Variants in ELAC1 observed in about 807,000 individuals in gnomAD.
ELAC1 encodes zinc phosphodiesterase ELAC protein 1.
Under a neutral mutation model 25.8 loss-of-function variants are expected in ELAC1, and 19 were observed. The ratio of observed to expected loss-of-function variants is 0.74; its 90% CI spans 0.51 to 1.08. The LOEUF (loss-of-function observed/expected upper bound fraction) is 1.08. ELAC1 is among the 50% of genes least tolerant of loss of function. The pLI is 0.00. For synonymous variants in ELAC1, 148 were observed against 160.9 expected (o/e 0.92, Z 0.61); for missense variants, 403 against 434.6 (o/e 0.93, Z 0.65).
chr18:50,978,903 G>A (rs530414409), intron 2 of ELAC1, among the ~76,000 whole-genome samples: 8 of 152,206 alleles, frequency 5.3e-5, no homozygotes, highest in South Asian at 2.1e-4. Context: ...CAATTGAACC[G>A]TAGTTATATA....
At chr18:50,974,603 T>G in intron 2 of ELAC1, 42 bp downstream of exon 2, 1 of 1,592,776 alleles carries the variant, frequency 6.3e-7, no homozygotes, top group South Asian at 1.1e-5. Flanking sequence ...TTTTTTGTTG[T>G]TCTGCTTCAT....
intron 2 of ELAC1, among the ~76,000 whole-genome samples, chr18:50,975,963 G>T (rs1157039929): frequency 2.0e-5 from 3 of 152,170 alleles, no homozygotes; most frequent in African/African-American, 7.2e-5. Flanking sequence ...GATGGACATT[G>T]AGGGAACAGA....
At chr18:50,972,782 C>T (rs1228180439) in intron 1 of ELAC1, among the ~76,000 whole-genome samples, 1 of 152,178 alleles carries the variant, frequency 6.6e-6, no homozygotes, top group African/African-American at 2.4e-5. Context: ...CGTGCCCGGC[C>T]TATTCTGTTT....
At chr18:50,983,872 T>C (rs1908027502) in intron 2 of ELAC1, among the ~76,000 whole-genome samples, 3 of 151,610 alleles carry the variant, frequency 2.0e-5, no homozygotes. Flanking sequence ...AAAAAAACTA[T>C]TAAAAACAAA....
In ELAC1 at chr18:50,986,601, A is replaced by T; in HGVS notation, c.626-18A>T. On this transcript the variant is annotated intron_variant, in intron 3 of 3. Transcript: ENST00000269466. Reference sequence around the variant, plus strand: ...AATTCCATTCCTATGATGTAATGTTATCTGCCTTCATCATTAGGTGTTCCA... The same window carrying T: ...AATTCCATTCCTATGATGTAATGTTTTCTGCCTTCATCATTAGGTGTTCCA... 1 of 1,559,126 alleles carries T rather than the reference A, an allele frequency of 6.4e-7. No individual in the cohort carries two copies. The highest frequency in any genetic ancestry group is 8.8e-7 in the Non-Finnish European group (1 of 1,141,864).
At position 50,984,522 on chromosome 18, in the gene ELAC1, A is replaced by G; in HGVS notation, c.584A>G (p.Lys195Arg). 1.2e-6 allele frequency: 2 copies of G among 1,612,460 alleles called. No individual in the cohort carries two copies. The highest frequency in any genetic ancestry group is 1.7e-6 in the Non-Finnish European group (2 of 1,179,336). The change falls in exon 3 of 4, where the codon AAA becomes AGA. Residue 195 changes from lysine to arginine, a missense_variant. By Grantham distance (26) the Lys-to-Arg change is conservative. Transcript: ENST00000269466. ...PSFGFSVVEKKRPGKLNAQKL... is the reference protein window; with the variant it reads ...PSFGFSVVEKRRPGKLNAQKL... ...TTTGGGTTTTCAGTCGTGGAAAAGA[A>G]ACGCCCAGGTAAACTCAATGCACAG...
At chr18:50,971,214 A>G (rs1303615916) in intron 1 of ELAC1, among the ~76,000 whole-genome samples, 1 of 152,250 alleles carries the variant, frequency 6.6e-6, no homozygotes, top group Non-Finnish European at 1.5e-5. Context: ...AATTATCAAC[A>G]GCATCATTAT....
intron 2 of ELAC1, among the ~76,000 whole-genome samples, chr18:50,982,450 G>A (rs896428835): frequency 6.6e-6 from 1 of 152,082 alleles, no homozygotes; most frequent in African/African-American, 2.4e-5. Context: ...GTTCTTTTAT[G>A]GTATCAATAA....
At chr18:50,977,558 AC>A (rs970594143) in intron 2 of ELAC1, among the ~76,000 whole-genome samples, 44 of 152,116 alleles carry the variant, frequency 2.9e-4, no homozygotes, top group African/African-American at 1.0e-3. Context: ...AGGCCAGGAA[AC>A]CGTTTTTCCC....
At chr18:50,982,098 A>G (rs1394414705) in intron 2 of ELAC1, among the ~76,000 whole-genome samples, 2 of 152,072 alleles carry the variant, frequency 1.3e-5, no homozygotes, top group African/African-American at 4.8e-5. Flanking sequence ...CGTCCACCTC[A>G]GCCTCCCAAA....
chr18:50,978,650 ATG>A (rs1365011233), intron 2 of ELAC1, among the ~76,000 whole-genome samples: 2 of 151,942 alleles, frequency 1.3e-5, no homozygotes, highest in Non-Finnish European at 2.9e-5. Flanking sequence ...CACTGTGTAT[ATG>A]TGTGTGTGTG....
chr18:50,968,436 A>G (rs1248321586), intron 1 of ELAC1: 4 of 152,406 alleles, frequency 2.6e-5, no homozygotes, highest in East Asian at 1.9e-4. Flanking sequence ...TTTCAGCTCT[A>G]AGATGGAGGA....
chr18:50,982,391 G>A lies in ELAC1; in HGVS notation c.158-1705G>A, dbSNP rs150699588. Reference sequence around the variant, plus strand: ...TAGTAATTCTGGAAAGACTTGCTTGGAGAACACTTGATGTTATAGAACAAA... The same window carrying A: ...TAGTAATTCTGGAAAGACTTGCTTGAAGAACACTTGATGTTATAGAACAAA... On this transcript the variant is annotated intron_variant, in intron 2 of 3. Coordinates refer to ENST00000269466, the MANE Select transcript of ELAC1 (RefSeq NM_018696.3). Among the ~76,000 whole-genome samples, 401 of 152,302 alleles carry A rather than the reference G, an allele frequency of 2.6e-3. 1 individual carries two copies. The highest frequency in any genetic ancestry group is 4.4e-3 in the Non-Finnish European group (301 of 68,022).
At chr18:50,983,155 GTTTTTTTT>G (rs552455433) in intron 2 of ELAC1, among the ~76,000 whole-genome samples, 820 of 60,870 alleles carry the variant, frequency 0.013, 11 homozygotes, top group African/African-American at 0.048. Context: ...TTTACTTGGT[GTTTTTTTT>G]TTTTTTTTTT....
intron 1 of ELAC1, among the ~76,000 whole-genome samples, chr18:50,973,745 T>C (rs1291280348): frequency 6.6e-6 from 1 of 152,196 alleles, no homozygotes; most frequent in Admixed American, 6.5e-5. Context: ...GTACAGAGTG[T>C]TCCCATATAC....
Position 50,986,784 on chromosome 18 carries a change from A to G in ELAC1, c.791A>G (p.Lys264Arg). The change falls in exon 4 of 4, where the codon AAA (lysine) becomes AGA (arginine). Residue 264 changes from lysine (K) to arginine (R), a missense_variant. Transcript: ENST00000269466. ...CSGVVGDGGVKLCFEADLLIH... is the reference protein window; with the variant it reads ...CSGVVGDGGVRLCFEADLLIH... The stretch of plus-strand genomic sequence containing the variant: ...GGGGTTGTGGGTGATGGAGGAGTAA[A>G]ACTGTGCTTTGAAGCAGACCTGTTG... 1.2e-6 allele frequency: 2 copies of G among 1,614,146 alleles called. No homozygotes were observed. The highest frequency in any genetic ancestry group is 2.7e-5 in the African/African-American group (2 of 75,042).
chr18:50,985,029 T>C (rs1168819077), intron 3 of ELAC1, among the ~76,000 whole-genome samples: 1 of 152,166 alleles, frequency 6.6e-6, no homozygotes, highest in African/African-American at 2.4e-5. Flanking sequence ...GTTTGCTTAT[T>C]AAGGAAAATC....
chr18:50,971,906 G>GTATA lies in ELAC1; in HGVS notation c.-8-2490_-8-2489insATAT, dbSNP rs1395917341. ...TATATATATGTATATATGTGTGTGT[G>GTATA]TGTGTGTATATATATATATATATAT... On this transcript the variant is annotated intron_variant, in intron 1 of 3. Transcript: ENST00000269466. 8.7e-4 allele frequency among the ~76,000 whole-genome samples: 94 copies of GTATA among 108,416 alleles called. 1 individual carries two copies. Among genetic ancestry groups the GTATA allele is most frequent in the African/African-American group, 2.9e-3 (81 of 28,308 alleles). The allele number at this position is 108,416 out of a possible 152,430, so 71.1% of individuals were successfully genotyped here. A position where few individuals can be genotyped will look rare whatever the true frequency, so the allele number is the denominator to read the frequency against.
chr18:50,986,862 G>A lies in ELAC1; in HGVS notation c.869G>A (p.Gly290Asp). The A allele has an allele frequency of 6.2e-7, 1 of 1,614,134 alleles. No homozygotes were observed. Among genetic ancestry groups the A allele is most frequent in the Non-Finnish European group, 8.5e-7 (1 of 1,180,012 alleles). ...DAQMDKAKEH[G>D]HSTPQMAATF... The stretch of plus-strand genomic sequence containing the variant: ...CAGATGGACAAAGCAAAGGAGCATG[G>A]CCACAGCACACCACAGATGGCAGCA... Residue 290 changes from glycine to aspartate, a missense_variant, in exon 4 of 4, where the codon GGC becomes GAC. By Grantham distance (94) the Gly-to-Asp change is moderately conservative. Transcript: ENST00000269466.
Sources: allele counts gnomAD v4.1 joint callset (sites outside exome capture counted in the v4.1 genomes callset), GRCh38; gene constraint gnomAD v4.1.1; transcripts MANE v1.5; gene names NCBI Gene and HGNC (gene_info 2026-07-23, HGNC 2026-07-21).